ERICH1: variants seen among roughly 807,000 people sequenced by gnomAD.
ERICH1 encodes the protein glutamate-rich protein 1.
ERICH1 carries 56 observed loss-of-function variants against 39.6 expected under a neutral mutation model. The observed-to-expected ratio is 1.41, with a 90% confidence interval of 1.14 to 1.77. The LOEUF is 1.77. Among genes scored for constraint, ERICH1 ranks in the 40% most tolerant of loss-of-function variants. The probability of loss-of-function intolerance (pLI) is 0.00; values close to 1 mark genes in which losing one functional copy is unlikely to be tolerated. For missense variants in ERICH1, 826 were observed against 575.4 expected (o/e 1.44, Z -4.45); for synonymous variants, 313 against 223.6 (o/e 1.40, Z -3.57).
chr8:615,610 C>T (rs985517737), intron 3 of ERICH1: 3 of 230,244 alleles, frequency 1.3e-5, no homozygotes, highest in African/African-American at 6.8e-5. Flanking sequence ...CCTGATCTGC[C>T]CAGGGGAGGC....
At chr8:663,296 T>G (rs1018261761), downstream of ERICH1, among the ~76,000 whole-genome samples, 1 of 151,962 alleles carries the variant, frequency 6.6e-6, no homozygotes, top group African/African-American at 2.4e-5. Context: ...GCAGGGGTGG[T>G]CTGGGCTGAT....
At chr8:634,147 C>A (rs1798231331) in intron 3 of ERICH1, among the ~76,000 whole-genome samples, 1 of 100,250 alleles carries the variant, frequency 1.0e-5, no homozygotes, top group Non-Finnish European at 1.9e-5. Flanking sequence ...AAACCAGAAT[C>A]TATAGAGAAC....
chr8:623,280 T>A (rs1165435202), intron 3 of ERICH1, among the ~76,000 whole-genome samples: 1 of 152,166 alleles, frequency 6.6e-6, no homozygotes, highest in Non-Finnish European at 1.5e-5. Flanking sequence ...ATGAATAAAG[T>A]ACAAAAACCA....
At chr8:616,575 G>C (rs1163028220) in intron 3 of ERICH1, 2 of 455,828 alleles carry the variant, frequency 4.4e-6, no homozygotes, top group African/African-American at 2.0e-5. Context: ...AACAGATCAA[G>C]TCAGGGCTGG....
intron 3 of ERICH1, among the ~76,000 whole-genome samples, chr8:658,994 G>A (rs1801044453): frequency 1.5e-5 from 2 of 133,972 alleles, no homozygotes; most frequent in African/African-American, 5.0e-5. Context: ...CACATCTCCG[G>A]TGTGCACTGA....
chr8:631,616 GT>G (rs1322089800), intron 3 of ERICH1, among the ~76,000 whole-genome samples: 1 of 152,242 alleles, frequency 6.6e-6, no homozygotes, highest in Non-Finnish European at 1.5e-5. Flanking sequence ...AATGCCGAGA[GT>G]TTTTTGTTTG....
intron 3 of ERICH1, among the ~76,000 whole-genome samples, chr8:622,131 A>T (rs940672874): frequency 6.6e-6 from 1 of 152,208 alleles, no homozygotes; most frequent in African/African-American, 2.4e-5. Flanking sequence ...CTGTGGCAGG[A>T]GGACTATTTG....
downstream of ERICH1, among the ~76,000 whole-genome samples, chr8:663,150 C>T (rs1279319958): frequency 6.6e-6 from 1 of 152,264 alleles, no homozygotes; most frequent in Non-Finnish European, 1.5e-5. Flanking sequence ...CCTGTTTCAC[C>T]TGCTTCCAGA....
At chr8:686,347 A>G (rs1807366602) in intron 3 of ERICH1, among the ~76,000 whole-genome samples, 1 of 152,244 alleles carries the variant, frequency 6.6e-6, no homozygotes, top group Admixed American at 6.5e-5. Flanking sequence ...GCTTAGGAAT[A>G]TGTGCCAACA....
intron 1 of ERICH1, among the ~76,000 whole-genome samples, chr8:719,160 G>C (rs1816723468): frequency 6.6e-6 from 1 of 152,118 alleles, no homozygotes; most frequent in African/African-American, 2.4e-5. Context: ...CCCAGGCCTG[G>C]CGAGGCTCAG....
chr8:637,375 A>T (rs1798522547), intron 3 of ERICH1, among the ~76,000 whole-genome samples: 1 of 152,166 alleles, frequency 6.6e-6, no homozygotes, highest in Non-Finnish European at 1.5e-5. Context: ...ACGTTCCTCT[A>T]GCCCCATGTG....
intron 2 of ERICH1, among the ~76,000 whole-genome samples, chr8:699,286 G>A (rs777816960): frequency 3.9e-5 from 6 of 152,044 alleles, no homozygotes; most frequent in Admixed American, 3.9e-4. Context: ...AAATGCTACC[G>A]GGGGGAGCGC....
At chr8:638,380 G>A (rs1798618556) in intron 3 of ERICH1, among the ~76,000 whole-genome samples, 1 of 152,326 alleles carries the variant, frequency 6.6e-6, no homozygotes, top group East Asian at 1.9e-4. Context: ...CTTCGGAGAG[G>A]AGGCCTGCTT....
At chr8:656,289 C>G (rs1800652730) in intron 3 of ERICH1, among the ~76,000 whole-genome samples, 1 of 152,216 alleles carries the variant, frequency 6.6e-6, no homozygotes, top group South Asian at 2.1e-4. Context: ...TGCTCCTCCC[C>G]TTCGAAATCT....
intron 3 of ERICH1, among the ~76,000 whole-genome samples, chr8:658,411 C>T (rs1800944654): frequency 6.6e-6 from 1 of 152,182 alleles, no homozygotes; most frequent in African/African-American, 2.4e-5. Flanking sequence ...GGCCCCGAGT[C>T]CAGTCCAGTG....
At chr8:697,346 G>A (rs1020193554) in intron 2 of ERICH1, among the ~76,000 whole-genome samples, 2 of 152,108 alleles carry the variant, frequency 1.3e-5, no homozygotes, top group Non-Finnish European at 2.9e-5. Context: ...TGGAGAAGCC[G>A]GTGCAACGCC....
intron 2 of ERICH1, among the ~76,000 whole-genome samples, chr8:709,163 C>T (rs1452248216): frequency 6.6e-6 from 1 of 152,204 alleles, no homozygotes; most frequent in South Asian, 2.1e-4. Context: ...TTATCTATCT[C>T]TGCCCTTGTG....
intron 1 of ERICH1, among the ~76,000 whole-genome samples, chr8:727,524 G>A (rs1819054556): frequency 6.6e-6 from 1 of 152,224 alleles, no homozygotes; most frequent in South Asian, 2.1e-4. Context: ...CCTGCCTGCT[G>A]CAGACCCCTT....
chr8:690,309 A>C (rs1040910539), intron 3 of ERICH1, among the ~76,000 whole-genome samples: 1 of 152,216 alleles, frequency 6.6e-6, no homozygotes, highest in Non-Finnish European at 1.5e-5. Flanking sequence ...AGACTGAGAC[A>C]AACTGCTGGT....
Sources: allele counts gnomAD v4.1 joint callset (sites outside exome capture counted in the v4.1 genomes callset), GRCh38; gene constraint gnomAD v4.1.1; transcripts MANE v1.5; gene names NCBI Gene and HGNC (gene_info 2026-07-23, HGNC 2026-07-21).